GRM5: variants seen among roughly 807,000 people sequenced by gnomAD.
GRM5 encodes the protein glutamate metabotropic receptor 5.
In GRM5, 19 loss-of-function variants were observed where a neutral mutation model predicts 83.1. That is an observed-to-expected ratio of 0.23 (90% CI 0.16 to 0.34). The LOEUF (loss-of-function observed/expected upper bound fraction) is 0.34, where lower values mean the gene tolerates loss of function less well. Among genes scored for constraint, GRM5 ranks in the 10% least tolerant of loss-of-function variants. GRM5 has a pLI of 1.00. For synonymous variants in GRM5, 675 were observed against 633.6 expected (o/e 1.07, Z -0.98); for missense variants, 1,160 against 1,588.3 (o/e 0.73, Z 4.58).
chr11:88,985,653 A>C (rs1939681697), intron 2 of GRM5, among the ~76,000 whole-genome samples: 1 of 152,208 alleles, frequency 6.6e-6, no homozygotes, highest in Non-Finnish European at 1.5e-5. Flanking sequence ...AAACATGGCC[A>C]AGGATGCCTT....
At chr11:88,618,492 T>C (rs1193712624) in intron 4 of GRM5, among the ~76,000 whole-genome samples, 2 of 152,114 alleles carry the variant, frequency 1.3e-5, no homozygotes, top group African/African-American at 4.8e-5. Flanking sequence ...ATTAGTTGAC[T>C]CATTCAGAGA....
chr11:88,725,407 C>G (rs891730163), intron 3 of GRM5, among the ~76,000 whole-genome samples: 1 of 152,158 alleles, frequency 6.6e-6, no homozygotes, highest in Non-Finnish European at 1.5e-5. Flanking sequence ...AGATCAAACT[C>G]TCATCTCCTT....
At chr11:88,913,078 A>G (rs1945526910) in intron 2 of GRM5, among the ~76,000 whole-genome samples, 1 of 152,160 alleles carries the variant, frequency 6.6e-6, no homozygotes, top group Non-Finnish European at 1.5e-5. Context: ...GTTATGCATA[A>G]TCCTTAAATC....
intron 3 of GRM5, among the ~76,000 whole-genome samples, chr11:88,688,435 A>G (rs1178841375): frequency 6.6e-6 from 1 of 152,204 alleles, no homozygotes; most frequent in African/African-American, 2.4e-5. Context: ...TATGAAGCCC[A>G]GATAAGAACT....
At chr11:89,004,002 C>G (rs927486083) in intron 2 of GRM5, among the ~76,000 whole-genome samples, 3 of 152,076 alleles carry the variant, frequency 2.0e-5, no homozygotes, top group African/African-American at 7.2e-5. Flanking sequence ...GGAGTGAAGG[C>G]TTAAGAAGGA....
At chr11:89,043,944 T>C (rs1192474070) in intron 2 of GRM5, among the ~76,000 whole-genome samples, 1 of 152,188 alleles carries the variant, frequency 6.6e-6, no homozygotes, top group Non-Finnish European at 1.5e-5. Context: ...GTGCTATTGG[T>C]CAAAGTGTCA....
intron 2 of GRM5, among the ~76,000 whole-genome samples, chr11:88,899,778 A>G (rs1341573806): frequency 6.6e-6 from 1 of 152,058 alleles, no homozygotes; most frequent in African/African-American, 2.4e-5. Context: ...AAGTCTGAAT[A>G]ACTGCCTTAT....
At chr11:88,915,211 A>G (rs146730383) in intron 2 of GRM5, among the ~76,000 whole-genome samples, 1,836 of 152,246 alleles carry the variant, frequency 0.012, 44 homozygotes, top group African/African-American at 0.042. Flanking sequence ...GAGGAGGAGG[A>G]GGAGAAAAGA....
At chr11:88,662,979 C>G (rs1565176655) in intron 3 of GRM5, among the ~76,000 whole-genome samples, 1 of 152,226 alleles carries the variant, frequency 6.6e-6, no homozygotes, top group Non-Finnish European at 1.5e-5. Context: ...TACCCAGACT[C>G]CTGACATCCA....
chr11:88,724,462 C>T (rs553489551), intron 3 of GRM5, among the ~76,000 whole-genome samples: 5 of 152,156 alleles, frequency 3.3e-5, no homozygotes, highest in African/African-American at 9.6e-5. Flanking sequence ...TATTTATCTT[C>T]TTCTCTAGAT....
At chr11:88,795,534 C>T (rs1943260403) in intron 3 of GRM5, among the ~76,000 whole-genome samples, 2 of 152,134 alleles carry the variant, frequency 1.3e-5, no homozygotes, top group South Asian at 4.1e-4. Context: ...TCTGTGAAGC[C>T]ATTAGAAATA....
chr11:88,678,029 C>T (rs180843371), intron 3 of GRM5, among the ~76,000 whole-genome samples: 10 of 149,464 alleles, frequency 6.7e-5, no homozygotes, highest in Admixed American at 4.1e-4. Context: ...AGATTACAAA[C>T]GTGATGCATT....
chr11:88,857,606 G>A (rs1317692820), intron 2 of GRM5, among the ~76,000 whole-genome samples: 1 of 151,954 alleles, frequency 6.6e-6, no homozygotes, highest in African/African-American at 2.4e-5. Flanking sequence ...ATGTTCTTTT[G>A]TTTGATGCCA....
intron 3 of GRM5, among the ~76,000 whole-genome samples, chr11:88,776,268 T>C (rs1012304043): frequency 3.3e-5 from 5 of 151,350 alleles, no homozygotes; most frequent in Non-Finnish European, 5.9e-5. Context: ...GCAACCCCTG[T>C]TTTTTTTGCT....
At chr11:88,644,444 T>C (rs1004540469) in intron 4 of GRM5, among the ~76,000 whole-genome samples, 4 of 152,206 alleles carry the variant, frequency 2.6e-5, no homozygotes, top group African/African-American at 9.6e-5. Context: ...GCGCCTCTCC[T>C]TGAGACATTT....
intron 2 of GRM5, among the ~76,000 whole-genome samples, chr11:88,896,688 TCAAA>T (rs985756869): frequency 1.3e-5 from 2 of 151,832 alleles, no homozygotes; most frequent in Non-Finnish European, 2.9e-5. Flanking sequence ...GTGTCCCAAA[TCAAA>T]CAGAGAGAGT....
chr11:88,971,543 T>A (rs1939164574), intron 2 of GRM5, among the ~76,000 whole-genome samples: 1 of 152,150 alleles, frequency 6.6e-6, no homozygotes, highest in African/African-American at 2.4e-5. Context: ...TTTAGTTTTC[T>A]ATTCCTGTGT....
chr11:88,817,055 GTTGAGT>G (rs1943705720), intron 3 of GRM5, among the ~76,000 whole-genome samples: 2 of 152,120 alleles, frequency 1.3e-5, no homozygotes, highest in African/African-American at 4.8e-5. Flanking sequence ...AAATTTTATT[GTTGAGT>G]TTATTTTAAT....
chr11:88,694,452 G>C (rs1940855160), intron 3 of GRM5, among the ~76,000 whole-genome samples: 1 of 152,118 alleles, frequency 6.6e-6, no homozygotes, highest in African/African-American at 2.4e-5. Flanking sequence ...CAAAGTGTAA[G>C]TGATGTGGTA....
Sources: allele counts gnomAD v4.1 joint callset (sites outside exome capture counted in the v4.1 genomes callset), GRCh38; gene constraint gnomAD v4.1.1; transcripts MANE v1.5; gene names NCBI Gene and HGNC (gene_info 2026-07-23, HGNC 2026-07-21).